Variants in FAM200A observed in about 807,000 individuals in gnomAD.
FAM200A encodes ZBED8 like.
In FAM200A, 26 loss-of-function variants were observed where a neutral mutation model predicts 44.2. The ratio of observed to expected loss-of-function variants is 0.59; its 90% confidence interval spans 0.43 to 0.82. The LOEUF (loss-of-function observed/expected upper bound fraction) is 0.82. Among genes scored for constraint, FAM200A ranks in the 40% least tolerant of loss-of-function variants. The pLI, the probability that FAM200A is intolerant of heterozygous loss-of-function variation, is 0.00. For synonymous variants in FAM200A, 206 were observed against 244.4 expected, an observed-to-expected ratio of 0.84 and a Z score of 1.47; for missense variants, 606 against 669.5, an observed-to-expected ratio of 0.91 and a Z score of 1.05.
chr7:99,552,111 T>A lies in FAM200A; in HGVS notation c.-357A>T. 2 of 985,438 alleles carry A rather than the reference T, an allele frequency of 2.0e-6. No homozygotes were observed. Among genetic ancestry groups the A allele is most frequent in the Non-Finnish European group, 2.4e-6 (2 of 829,934 alleles). 61.0% of individuals were successfully genotyped at this position (985,438 alleles called of 1,614,324 possible). A position where few individuals can be genotyped will look rare whatever the true frequency, so the allele number is the denominator to read the frequency against. ...TGGCCTTCAGAGCCCAGGGAAAGCG[T>A]CACAAAAGCCGGAAGTGCGTCACAC... On this transcript the variant is annotated 5_prime_UTR_variant, in exon 1 of 2. Coordinates refer to ENST00000449309, the MANE Select transcript of FAM200A (RefSeq NM_145111.4).
chr7:99,553,083 ATATATATATATATATATTTTT>A (rs1802586826), upstream of FAM200A, among the ~76,000 whole-genome samples: 2 of 95,134 alleles, frequency 2.1e-5, no homozygotes, highest in South Asian at 3.7e-4. Context: ...ATATATATAT[ATATATATATATATATATTTTT>A]TTTTTTTTTT....
chr7:99,554,284 G>T (rs1423250257), upstream of FAM200A, among the ~76,000 whole-genome samples: 2 of 151,940 alleles, frequency 1.3e-5, no homozygotes, highest in Non-Finnish European at 2.9e-5. Flanking sequence ...TTCGAGACCA[G>T]CCTGAGCAAC....
At chr7:99,552,370 T>C (rs553983359), upstream of FAM200A, among the ~76,000 whole-genome samples, 1 of 152,112 alleles carries the variant, frequency 6.6e-6, no homozygotes, top group South Asian at 2.1e-4. Flanking sequence ...ATAGTTACAA[T>C]AAAAATAGTG....
rs1366536657 is a variant in FAM200A at position 99,547,388 on chromosome 7, C to A, written c.1020G>T (p.Trp340Cys). Residue 340 changes from tryptophan (W) to cysteine (C), a missense_variant, in exon 2 of 2, where the codon TGG becomes TGT. Trp to Cys is a radical substitution (Grantham distance 215). Transcript: ENST00000449309. Reference sequence around the variant, plus strand: ...CACTTAAATATGCCAATTTTGTTACCCAAATGTCGTCTTCAAAAATATTTG... The same window carrying A: ...CACTTAAATATGCCAATTTTGTTACACAAATGTCGTCTTCAAAAATATTTG... ...HLANIFEDDI[W>C]VTKLAYLSDI... 1.3e-6 allele frequency: 2 copies of A among 1,550,040 alleles called. No individual in the cohort carries two copies. The highest frequency in any genetic ancestry group is 1.2e-5 in the South Asian group (1 of 83,314).
At position 99,546,877 on chromosome 7, in the gene FAM200A, T is replaced by G; in HGVS notation, c.1531A>C (p.Arg511=). The change falls in exon 2 of 2, where the codon AGG becomes CGG. Residue 511 remains arginine (R), a synonymous_variant. Coordinates refer to ENST00000449309, the MANE Select transcript of FAM200A (RefSeq NM_145111.4). The part of the protein sequence containing the change: ...KIKDDFPLLS[R]KSILLLLPFT... ...GGTAGTAACAGCAATATACTCTTCC[T>G]ACTTAGCAGTGGAAAGTCATCTTTA... 1.9e-6 allele frequency: 3 copies of G among 1,550,312 alleles called. No homozygotes were observed. The highest frequency in any genetic ancestry group is 2.6e-6 in the Non-Finnish European group (3 of 1,146,590).
chr7:99,551,771 G>A (rs531281074), intron 1 of FAM200A, 83 bp downstream of exon 1: 15 of 963,432 alleles, frequency 1.6e-5, no homozygotes, highest in Admixed American at 6.2e-5. Flanking sequence ...AGGACTGGGG[G>A]TCCAGAAGGG....
rs1802387236 is a variant in FAM200A at position 99,546,446 on chromosome 7, G to A, written c.*240C>T. 2.2e-5 allele frequency: 8 copies of A among 370,252 alleles called. No homozygotes were observed. In the Admixed American group the frequency reaches 2.8e-4, roughly 13 times the overall value. The allele number at this position is 370,252 out of a possible 1,614,324, so 22.9% of individuals were successfully genotyped here. A position where few individuals can be genotyped will look rare whatever the true frequency, so the allele number is the denominator to read the frequency against. On this transcript the variant is annotated 3_prime_UTR_variant, in exon 2 of 2. Transcript: ENST00000449309. ...TGCAGTGGGATTATCTCAGCTCACT[G>A]CAATCTCTGCCTTCCTGGTTTAAGA...
chr7:99,547,546 T>C lies in FAM200A; in HGVS notation c.862A>G (p.Ile288Val), dbSNP rs1802417813. Reference protein sequence around the residue: ...SRLLEIFCSEIGVNHTHLLFH... With the variant: ...SRLLEIFCSEVGVNHTHLLFH... ...AATAAGTGGGTGTGGTTCACTCCAA[T>C]CTCTGAACAAAATATTTCGAGAAGT... The change falls in exon 2 of 2, where the codon ATT (isoleucine) becomes GTT (valine). Residue 288 changes from isoleucine (I) to valine (V), a missense_variant. Transcript: ENST00000449309. 4 of 1,550,858 alleles carry C rather than the reference T, an allele frequency of 2.6e-6. No homozygotes were observed. The highest frequency in any genetic ancestry group is 3.5e-6 in the Non-Finnish European group (4 of 1,146,816).
In FAM200A at chr7:99,548,235, T is replaced by C. The variant is rs1802435253; in HGVS notation, c.173A>G (p.Glu58Gly). The change falls in exon 2 of 2, where the codon GAG (glutamate) becomes GGG (glycine). Residue 58 changes from glutamate to glycine, a missense_variant. Physicochemically the swap from Glu to Gly is moderately conservative, Grantham distance 98 (BLOSUM62 -2). Transcript: ENST00000449309. ...QVLSRSTTMN[E>G]RALLSSYLVA... is the part of the protein sequence containing the mutation. ...TAAATACGATGACAATAAGGCTCTC[T>C]CATTCATAGTTGTAGAGCGACTGAG... 1 of 1,608,534 alleles carries C rather than the reference T, an allele frequency of 6.2e-7. No homozygotes were observed. The highest frequency in any genetic ancestry group is 8.5e-7 in the Non-Finnish European group (1 of 1,177,078).
intron 1 of FAM200A, among the ~76,000 whole-genome samples, 167 bp downstream of exon 1, chr7:99,551,687 C>G (rs746978382): frequency 3.9e-5 from 6 of 152,218 alleles, no homozygotes; most frequent in Non-Finnish European, 7.3e-5. Flanking sequence ...ACAAGAAAAA[C>G]CAGTGGGCAC....
rs1267869311 is a variant in FAM200A at position 99,548,306 on chromosome 7, G to T, written c.102C>A (p.Asp34Glu). The T allele has an allele frequency of 1.9e-6, 3 of 1,614,114 alleles. No homozygotes were observed. The highest frequency in any genetic ancestry group is 2.5e-6 in the Non-Finnish European group (3 of 1,180,030). The change falls in exon 2 of 2, where the codon GAC becomes GAA. Residue 34 changes from aspartate (D) to glutamate (E), a missense_variant. Coordinates refer to ENST00000449309, the MANE Select transcript of FAM200A (RefSeq NM_145111.4). Reference sequence around the variant, plus strand: ...CTTTGTTTCTTTCCTTTTGAAAATGGTCTTCTTCATCTTCCTCCTCCACCT... The same window carrying T: ...CTTTGTTTCTTTCCTTTTGAAAATGTTCTTCTTCATCTTCCTCCTCCACCT... ...IVKVEEEDEE[D>E]HFQKERNKVE...
intron 1 of FAM200A, 98 bp from the exon 2 acceptor site, chr7:99,548,604 A>T: frequency 9.5e-7 from 1 of 1,055,794 alleles, no homozygotes; most frequent in Non-Finnish European, 1.3e-6. Context: ...TAGTGGTGTG[A>T]CATGGTAAAT....
chr7:99,554,276 C>T (rs1293896337), upstream of FAM200A, among the ~76,000 whole-genome samples: 2 of 151,820 alleles, frequency 1.3e-5, no homozygotes, highest in Non-Finnish European at 2.9e-5. Flanking sequence ...TTCAGGAGTT[C>T]GAGACCAGCC....
upstream of FAM200A, chr7:99,552,182 G>A (rs1404307424): frequency 2.0e-6 from 2 of 984,948 alleles, no homozygotes; most frequent in Non-Finnish European, 2.4e-6. Context: ...CTCTAGGATC[G>A]CGGGAGGACT....
intron 1 of FAM200A, among the ~76,000 whole-genome samples, chr7:99,549,554 T>TACCC (rs1043535733): frequency 3.3e-5 from 5 of 152,194 alleles, no homozygotes; most frequent in African/African-American, 1.2e-4. Context: ...ACTGGGTATA[T>TACCC]ACCCAAAGGA....
chr7:99,551,677 A>G (rs777760690), intron 1 of FAM200A, among the ~76,000 whole-genome samples, 177 bp downstream of exon 1: 4 of 152,158 alleles, frequency 2.6e-5, no homozygotes, highest in Non-Finnish European at 4.4e-5. Context: ...AGCCCCCACC[A>G]CAAGAAAAAC....
intron 1 of FAM200A, 77 bp from the exon 2 acceptor site, chr7:99,548,583 T>C: frequency 8.3e-7 from 1 of 1,211,660 alleles, no homozygotes; most frequent in Non-Finnish European, 1.1e-6. Flanking sequence ...TACAAAACAA[T>C]TCACTAAATC....
chr7:99,552,918 T>A (rs867382142), upstream of FAM200A, among the ~76,000 whole-genome samples: 25 of 151,332 alleles, frequency 1.7e-4, no homozygotes, highest in Admixed American at 1.2e-3. Flanking sequence ...ATGGTTGCCA[T>A]TTTCTACCTA....
At chr7:99,556,620 G>GAA (rs761220866), upstream of FAM200A, among the ~76,000 whole-genome samples, 13 of 151,446 alleles carry the variant, frequency 8.6e-5, no homozygotes, top group African/African-American at 3.2e-4. Flanking sequence ...GTACCTTTAG[G>GAA]AAAAAAATCT....
Sources: gnomAD v4.1 joint callset for allele counts (sites outside exome capture counted in the v4.1 genomes callset) on GRCh38, gnomAD v4.1.1 for gene constraint, MANE v1.5 for transcripts, NCBI Gene and HGNC (gene_info 2026-07-23, HGNC 2026-07-21) for gene names.